SLC27A1: variants seen among roughly 807,000 people sequenced by gnomAD.
SLC27A1 encodes the protein long-chain fatty acid transport protein 1.
Under a neutral mutation model 62.2 loss-of-function variants are expected in SLC27A1, and 61 were observed. The ratio of observed to expected loss-of-function variants is 0.98; its 90% confidence interval spans 0.80 to 1.21. SLC27A1 has a LOEUF of 1.21. SLC27A1 is among the 50% of genes most tolerant of loss of function. The pLI is 0.00. For synonymous variants in SLC27A1, 435 were observed against 408.6 expected (o/e 1.06, Z -0.78); for missense variants, 903 against 932.1 (o/e 0.97, Z 0.41).
intron 1 of SLC27A1, among the ~76,000 whole-genome samples, chr19:17,485,497 T>TCTTG (rs2075220604): frequency 9.3e-6 from 1 of 107,324 alleles, no homozygotes; most frequent in Non-Finnish European, 2.0e-5. Context: ...CTAAAGCATT[T>TCTTG]CTTGTTTGTT....
chr19:17,474,009 C>T (rs2075100413), intron 1 of SLC27A1, among the ~76,000 whole-genome samples: 1 of 152,096 alleles, frequency 6.6e-6, no homozygotes. Flanking sequence ...GTGGTGTGAT[C>T]ATAGCTCACT....
At chr19:17,470,224 G>T (rs544540613), upstream of SLC27A1, among the ~76,000 whole-genome samples, 1 of 152,054 alleles carries the variant, frequency 6.6e-6, no homozygotes, top group Non-Finnish European at 1.5e-5. Context: ...CAAAAATATG[G>T]AATAGAGCGG....
intron 6 of SLC27A1, chr19:17,491,322 T>TCCAC (rs1367693205): frequency 7.2e-6 from 1 of 139,172 alleles, no homozygotes; most frequent in African/African-American, 2.6e-5. Context: ...TCCCCATCCC[T>TCCAC]CCACCCCCAG....
intron 11 of SLC27A1, among the ~76,000 whole-genome samples, chr19:17,503,931 CAAAAAAAA>C (rs749427478): frequency 3.8e-5 from 2 of 53,316 alleles, no homozygotes; most frequent in African/African-American, 7.1e-5. Flanking sequence ...GACTATGTCT[CAAAAAAAA>C]AAAAAAAAAA....
intron 6 of SLC27A1, chr19:17,495,582 G>C (rs554156739): frequency 6.6e-6 from 1 of 152,534 alleles, no homozygotes; most frequent in South Asian, 2.1e-4. Context: ...CCGCCTGGCC[G>C]TGCCCATTCT....
At position 17,504,654 on chromosome 19, in the gene SLC27A1, G is replaced by A. The variant is rs199771137; in HGVS notation, c.*42G>A. 3.7e-4 allele frequency: 596 copies of A among 1,612,312 alleles called. 3 individuals carry two copies. The African/African-American group carries it at 7.0e-3, about 19-fold the overall frequency. On this transcript the variant is annotated 3_prime_UTR_variant, in exon 12 of 12. Coordinates refer to ENST00000252595, the MANE Select transcript of SLC27A1 (RefSeq NM_198580.3). The stretch of plus-strand genomic sequence containing the variant: ...GCCACAAACTCTGGGCCTGGTGGGA[G>A]AGGCCAGCTTGAGCCAGACAGCGCT...
intron 11 of SLC27A1, among the ~76,000 whole-genome samples, chr19:17,501,767 C>T (rs562414091): frequency 1.5e-5 from 2 of 135,208 alleles, no homozygotes; most frequent in South Asian, 4.7e-4. Context: ...CACGCCACTG[C>T]ACTCCAGCCT....
intron 4 of SLC27A1, among the ~76,000 whole-genome samples, chr19:17,488,469 C>T (rs972963557): frequency 2.6e-5 from 4 of 152,170 alleles, no homozygotes; most frequent in African/African-American, 7.2e-5. Context: ...TCCTCAGCCC[C>T]CCAAACTCTT....
intron 6 of SLC27A1, among the ~76,000 whole-genome samples, chr19:17,494,328 CT>C (rs1272626122): frequency 5.7e-4 from 81 of 141,766 alleles, no homozygotes; most frequent in Non-Finnish European, 3.8e-4. Flanking sequence ...TGGCCTTTTT[CT>C]TTTTCTTTTT....
intron 1 of SLC27A1, among the ~76,000 whole-genome samples, chr19:17,473,146 T>A (rs1408573325): frequency 6.6e-6 from 1 of 152,114 alleles, no homozygotes; most frequent in African/African-American, 2.4e-5. Context: ...TTGCCCAGGC[T>A]AGTCTCGAAC....
chr19:17,497,849 G>A, intron 7 of SLC27A1: 1 of 252,292 alleles, frequency 4.0e-6, no homozygotes, highest in Non-Finnish European at 7.7e-6. Flanking sequence ...TCGCTCTGTC[G>A]CCCAGGCTGG....
At position 17,500,857 on chromosome 19, in the gene SLC27A1, C is replaced by T. The variant is rs758342077; in HGVS notation, c.1617C>T (p.Val539=). 6.2e-7 allele frequency: 1 copy of T among 1,609,208 alleles called. No homozygotes were observed. The highest frequency in any genetic ancestry group is 1.1e-5 in the South Asian group (1 of 90,770). ...SRLLGQTDVA[V]YGVAVPGVEG... is the part of the protein sequence containing the mutation. ...TGCTGGGCCAGACAGACGTGGCCGT[C>T]TATGGGGTGGCTGTTCCAGGCAAGC... The change falls in exon 10 of 12, where the codon GTC becomes GTT. Residue 539 remains valine, a synonymous_variant. Transcript: ENST00000252595.
chr19:17,473,005 C>A (rs2075091315), intron 1 of SLC27A1, among the ~76,000 whole-genome samples: 1 of 152,052 alleles, frequency 6.6e-6, no homozygotes, highest in Admixed American at 6.6e-5. Context: ...GCTATATTGC[C>A]CAGTCTGGTC....
rs1010376371 is a variant in SLC27A1, at chr19:17,470,622, G to C, written c.82G>C (p.Ala28Pro). The change falls in exon 1 of 12, where the codon GCG becomes CCG. Residue 28 changes from alanine (A) to proline (P), a missense_variant. Ala to Pro is a conservative substitution (Grantham distance 27). Transcript: ENST00000252595. ...GCTGGGGCTGCCGTGGACCTGGAGCGCGGCAGCGGCGCTCGGCGTGTACGT... is the reference window on the plus strand; with the variant it reads ...GCTGGGGCTGCCGTGGACCTGGAGCCCGGCAGCGGCGCTCGGCGTGTACGT... ...WLLGLPWTWSAAAALGVYVGS... is the reference protein window; with the variant it reads ...WLLGLPWTWSPAAALGVYVGS... 2.5e-6 allele frequency: 4 copies of C among 1,571,258 alleles called. No individual in the cohort carries two copies. Among genetic ancestry groups the C allele is most frequent in the Non-Finnish European group, 3.4e-6 (4 of 1,166,136 alleles).
intron 7 of SLC27A1, 196 bp from the exon 8 acceptor site, chr19:17,500,082 G>T: frequency 1.9e-5 from 15 of 789,982 alleles, no homozygotes; most frequent in Non-Finnish European, 2.9e-5. Flanking sequence ...CTGAATGCAG[G>T]CTGGGAAGGT....
At chr19:17,498,564 C>T in intron 7 of SLC27A1, 1 of 170,478 alleles carries the variant, frequency 5.9e-6, no homozygotes, top group Middle Eastern at 2.7e-3. Context: ...TCCAGCCCCA[C>T]AGGGTCGGTG....
At position 17,486,872 on chromosome 19, in the gene SLC27A1, C is replaced by T. The variant is rs1383850519; in HGVS notation, c.477C>T (p.Asn159=). ...AKAGMEAALL[N]VNLRREPLAF... ...CGGGCATGGAGGCCGCGCTGCTCAA[C>T]GTGAACCTGCGGCGCGAGCCCCTGG... The change falls in exon 2 of 12, where the codon AAC becomes AAT. Residue 159 remains asparagine, a synonymous_variant. Coordinates refer to ENST00000252595, the MANE Select transcript of SLC27A1 (RefSeq NM_198580.3). The surrounding 1 kb of genome is among the most constrained non-coding windows in gnomAD (Gnocchi z 6.6). 2.5e-6 allele frequency: 4 copies of T among 1,586,036 alleles called. No individual in the cohort carries two copies. The South Asian group carries it at 3.4e-5, about 13-fold the overall frequency.
Position 17,489,128 on chromosome 19 carries a change from G to C in SLC27A1, c.996+11G>C, listed in dbSNP as rs761467291. 42 of 1,612,062 alleles carry C rather than the reference G, an allele frequency of 2.6e-5. No homozygotes were observed. Among genetic ancestry groups the C allele is most frequent in the Non-Finnish European group, 3.4e-5 (40 of 1,178,874 alleles). ...AAGTACAACTGCACGGTCAGGCCCT[G>C]CCCTGTTCTGTCTAGACCCCGCCCC... On this transcript the variant is annotated intron_variant, in intron 6 of 11. Coordinates refer to ENST00000252595, the MANE Select transcript of SLC27A1 (RefSeq NM_198580.3).
At chr19:17,499,600 G>A (rs899709432) in intron 7 of SLC27A1, among the ~76,000 whole-genome samples, 3 of 150,312 alleles carry the variant, frequency 2.0e-5, no homozygotes, top group African/African-American at 7.4e-5. Flanking sequence ...GAGGTCACGA[G>A]TTCGAGACCA....
Sources: allele counts gnomAD v4.1 joint callset (sites outside exome capture counted in the v4.1 genomes callset), GRCh38; gene constraint gnomAD v4.1.1; non-coding constraint Gnocchi (gnomAD v3.1); transcripts MANE v1.5; gene names NCBI Gene and HGNC (gene_info 2026-07-23, HGNC 2026-07-21).